The following ALDH1L2 variants were observed in gnomAD, a reference collection of about 807,000 sequenced individuals.
The protein encoded by ALDH1L2 is aldehyde dehydrogenase 1 family member L2, also known as mitochondrial 10-formyltetrahydrofolate dehydrogenase.
Under a neutral mutation model 111.0 loss-of-function variants are expected in ALDH1L2, and 91 were observed. That is an observed-to-expected ratio of 0.82 (90% CI 0.69 to 0.98). ALDH1L2 has a LOEUF of 0.98. Ranked by LOEUF, ALDH1L2 falls within the 50% of genes least tolerant of loss-of-function variation. The probability of loss-of-function intolerance (pLI) is 0.00; values close to 1 mark genes in which losing one functional copy is unlikely to be tolerated. For missense variants in ALDH1L2, 995 were observed against 1,126.8 expected, an observed-to-expected ratio of 0.88 and a Z score of 1.67; for synonymous variants, 374 against 392.6, an observed-to-expected ratio of 0.95 and a Z score of 0.56.
intron 9 of ALDH1L2, among the ~76,000 whole-genome samples, chr12:105,060,144 A>T (rs553063632): frequency 6.6e-6 from 1 of 151,770 alleles, no homozygotes; most frequent in African/African-American, 2.4e-5. Context: ...CTCATTCTAG[A>T]TCTGTCTTAC....
intron 6 of ALDH1L2, among the ~76,000 whole-genome samples, 196 bp downstream of exon 6, chr12:105,065,071 G>C (rs1162323447): frequency 6.6e-6 from 1 of 152,032 alleles, no homozygotes; most frequent in African/African-American, 2.4e-5. Context: ...AAAACTGCAG[G>C]CTCCTTAGAT....
intron 19 of ALDH1L2, among the ~76,000 whole-genome samples, chr12:105,032,180 T>C (rs1266163343): frequency 1.4e-5 from 2 of 141,456 alleles, no homozygotes; most frequent in Non-Finnish European, 3.0e-5. Context: ...ACTTCTTTTT[T>C]TTTTTTTTTT....
chr12:105,075,826 C>T (rs1164109633), intron 1 of ALDH1L2, among the ~76,000 whole-genome samples: 2 of 152,128 alleles, frequency 1.3e-5, no homozygotes, highest in African/African-American at 4.8e-5. Flanking sequence ...TCCATGGTCA[C>T]CCAGGCTGGA....
In ALDH1L2 at chr12:105,036,226, A is replaced by ATT. The variant is rs1217290206; in HGVS notation, c.2146-1829_2146-1828insAA. Among the ~76,000 whole-genome samples the ATT allele has an allele frequency of 1.2e-4, 5 of 42,704 alleles. 1 individual carries two copies. The highest frequency in any genetic ancestry group is 3.1e-4 in the African/African-American group (2 of 6,440). 28.0% of individuals were successfully genotyped at this position (42,704 alleles called of 152,430 possible). ...CACGTATATTTATATATGTGTATAT[A>ATT]ATATATACACGTATATTTATATATG... is the stretch of plus-strand genomic sequence containing the variant. On this transcript the variant is annotated intron_variant, in intron 18 of 22. Coordinates refer to ENST00000258494, the MANE Select transcript of ALDH1L2 (RefSeq NM_001034173.4).
At chr12:105,069,058 A>G (rs1877535723) in intron 3 of ALDH1L2, among the ~76,000 whole-genome samples, 174 bp from the exon 4 acceptor site, 1 of 152,218 alleles carries the variant, frequency 6.6e-6, no homozygotes, top group African/African-American at 2.4e-5. Context: ...AGCAGTGCCT[A>G]ATGGTACTGC....
intron 1 of ALDH1L2, among the ~76,000 whole-genome samples, chr12:105,074,407 G>A (rs1161844792): frequency 2.3e-5 from 3 of 132,172 alleles, no homozygotes; most frequent in African/African-American, 6.1e-5. Flanking sequence ...GCAGTGAGCC[G>A]AGATCACACC....
At chr12:105,033,906 A>G (rs189027640) in intron 19 of ALDH1L2, among the ~76,000 whole-genome samples, 1 of 152,314 alleles carries the variant, frequency 6.6e-6, no homozygotes, top group Admixed American at 6.5e-5. Flanking sequence ...GTAAGGTATC[A>G]TAGCTCTTCA....
At chr12:105,025,346 G>A (rs1874357616) in intron 22 of ALDH1L2, among the ~76,000 whole-genome samples, 2 of 152,178 alleles carry the variant, frequency 1.3e-5, no homozygotes, top group African/African-American at 4.8e-5. Flanking sequence ...ACTGGGCTAA[G>A]GGGTTTTAAA....
At chr12:105,048,655 T>C (rs542178507) in intron 13 of ALDH1L2, 1 of 152,340 alleles carries the variant, frequency 6.6e-6, no homozygotes, top group East Asian at 1.9e-4. Flanking sequence ...TTGATCACCC[T>C]GTGTTTGCTA....
At chr12:105,055,952 G>A (rs749674457) in intron 10 of ALDH1L2, among the ~76,000 whole-genome samples, 8 of 152,186 alleles carry the variant, frequency 5.3e-5, no homozygotes, top group Non-Finnish European at 8.8e-5. Flanking sequence ...AGGAATCCCA[G>A]AAGGAGAGGA....
intron 14 of ALDH1L2, 37 bp from the exon 15 acceptor site, chr12:105,046,852 A>G (rs924886553): frequency 6.2e-7 from 1 of 1,613,374 alleles, no homozygotes; most frequent in African/African-American, 1.3e-5. Flanking sequence ...TAGTTGTTTC[A>G]AATAACACAA....
rs1313311103 is a variant in ALDH1L2 at position 105,058,066 on chromosome 12, A to G, written c.1287+7T>C. 6.2e-7 allele frequency: 1 copy of G among 1,610,028 alleles called. No homozygotes were observed. The highest frequency in any genetic ancestry group is 1.7e-5 in the Admixed American group (1 of 59,152). On this transcript the variant is annotated splice_region_variant and intron_variant, in intron 10 of 22. Transcript: ENST00000258494. ...ATTTAGGGTTGCAACATCAAGGAAA[A>G]GCTTACATAATCTACAACCAGCTCC... is the stretch of plus-strand genomic sequence containing the variant.
chr12:105,038,301 CA>C, intron 17 of ALDH1L2, 99 bp from the exon 18 acceptor site: 1 of 651,922 alleles, frequency 1.5e-6, no homozygotes. Context: ...CACACACACA[CA>C]CACACACACA....
chr12:105,058,968 GTAT>G (rs918799486), intron 9 of ALDH1L2, among the ~76,000 whole-genome samples: 1 of 151,624 alleles, frequency 6.6e-6, no homozygotes, highest in African/African-American at 2.4e-5. Flanking sequence ...AAAAAAAAAA[GTAT>G]TAATAATACA....
chr12:105,038,431 C>G (rs1216012719), intron 17 of ALDH1L2, among the ~76,000 whole-genome samples: 2 of 151,922 alleles, frequency 1.3e-5, no homozygotes, highest in Non-Finnish European at 2.9e-5. Flanking sequence ...TCTGGGAGAC[C>G]AAGGTAGAAG....
intron 2 of ALDH1L2, among the ~76,000 whole-genome samples, chr12:105,073,183 C>T (rs1877839315): frequency 1.3e-5 from 2 of 152,282 alleles, no homozygotes; most frequent in East Asian, 1.9e-4. Context: ...CTCATAGCAG[C>T]CACGTGAGGT....
At chr12:105,037,968 T>C (rs1035749733) in intron 18 of ALDH1L2, 135 bp downstream of exon 18, 6 of 607,892 alleles carry the variant, frequency 9.9e-6, no homozygotes, top group African/African-American at 9.4e-5. Context: ...GGTTTCACCA[T>C]GTTGGTCAGG....
chr12:105,061,510 T>C, intron 8 of ALDH1L2, 117 bp downstream of exon 8: 3 of 1,419,632 alleles, frequency 2.1e-6, no homozygotes, highest in South Asian at 2.7e-5. Context: ...TTGCAGCTAA[T>C]ACAAAAAAAG....
chr12:105,072,149 T>C (rs951371760), intron 2 of ALDH1L2, among the ~76,000 whole-genome samples: 4 of 138,996 alleles, frequency 2.9e-5, no homozygotes, highest in African/African-American at 5.5e-5. Flanking sequence ...TAATTGTATA[T>C]ATTAATAAAT....
Sources: allele counts gnomAD v4.1 joint callset (sites outside exome capture counted in the v4.1 genomes callset), GRCh38; gene constraint gnomAD v4.1.1; transcripts MANE v1.5; gene names NCBI Gene and HGNC (gene_info 2026-07-23, HGNC 2026-07-21).